ENOX1: variants seen among roughly 807,000 people sequenced by gnomAD.
The protein encoded by ENOX1 is candidate growth-related and time keeping constitutive hydroquinone (NADH) oxidase.
In ENOX1, 42 loss-of-function variants were observed where a neutral mutation model predicts 82.5. That is an observed-to-expected ratio of 0.51 (90% CI 0.40 to 0.66). The LOEUF is 0.66. ENOX1 is among the 30% of genes least tolerant of loss of function. ENOX1 has a pLI of 0.00. For missense variants in ENOX1, 608 were observed against 811.6 expected, an observed-to-expected ratio of 0.75 and a Z score of 3.05; for synonymous variants, 271 against 282.2, an observed-to-expected ratio of 0.96 and a Z score of 0.40.
intron 5 of ENOX1, among the ~76,000 whole-genome samples, chr13:43,403,614 G>A (rs184781665): frequency 7.9e-4 from 120 of 152,214 alleles, no homozygotes; most frequent in African/African-American, 2.4e-3. Flanking sequence ...AGGCTGAGGC[G>A]GGCAGATTGC....
intron 8 of ENOX1, among the ~76,000 whole-genome samples, chr13:43,347,354 C>T (rs1235315757): frequency 1.3e-5 from 2 of 152,068 alleles, no homozygotes; most frequent in African/African-American, 4.8e-5. Flanking sequence ...TTCCATTAGC[C>T]TAAAAGAGGA....
chr13:43,663,427 A>G (rs17064843), intron 2 of ENOX1, among the ~76,000 whole-genome samples: 2 of 152,164 alleles, frequency 1.3e-5, no homozygotes, highest in East Asian at 3.9e-4. Flanking sequence ...CCTCTGTTTC[A>G]TTTAGAATGT....
intron 5 of ENOX1, among the ~76,000 whole-genome samples, chr13:43,371,512 T>C (rs564376101): frequency 2.9e-4 from 44 of 152,336 alleles, no homozygotes; most frequent in African/African-American, 1.0e-3. Flanking sequence ...ATTCACAGCA[T>C]GTAAATGTCT....
chr13:43,719,528 A>C (rs1265054501), intron 1 of ENOX1, among the ~76,000 whole-genome samples: 1 of 152,114 alleles, frequency 6.6e-6, no homozygotes, highest in Non-Finnish European at 1.5e-5. Context: ...AAGATGAGAG[A>C]TAAGAAGATC....
intron 3 of ENOX1, among the ~76,000 whole-genome samples, chr13:43,470,307 C>CATATATATATGTATATAT (rs35765969): frequency 7.1e-5 from 3 of 42,492 alleles, no homozygotes; most frequent in Admixed American, 2.2e-4. Context: ...CATATATATA[C>CATATATATATGTATATAT]ATATATATAC....
chr13:43,616,523 C>T (rs2082489820), intron 2 of ENOX1, among the ~76,000 whole-genome samples: 1 of 151,738 alleles, frequency 6.6e-6, no homozygotes, highest in Non-Finnish European at 1.5e-5. Flanking sequence ...TTTTTAAATC[C>T]TTTCAATACA....
chr13:43,520,247 A>G (rs1366759402), intron 2 of ENOX1, among the ~76,000 whole-genome samples: 2 of 152,092 alleles, frequency 1.3e-5, no homozygotes, highest in African/African-American at 4.8e-5. Flanking sequence ...ACTCTTCCAT[A>G]GTGGATCAGA....
chr13:43,414,815 TCTCGAGTCTGCAGTTCTGGAAC>T (rs2054345804), intron 3 of ENOX1, among the ~76,000 whole-genome samples: 1 of 152,222 alleles, frequency 6.6e-6, no homozygotes, highest in Non-Finnish European at 1.5e-5. Context: ...CACATTTTTT[TCTCGAGTCTGCAGTTCTGGAAC>T]ACTATATCAG....
At chr13:43,325,374 T>G (rs912527) in intron 10 of ENOX1, among the ~76,000 whole-genome samples, 28,451 of 152,194 alleles carry the variant, frequency 0.19, 3,705 homozygotes, top group East Asian at 0.55. Flanking sequence ...TCATTCGGTA[T>G]TCACCATAAT....
chr13:43,316,369 T>A (rs1229982654), intron 11 of ENOX1, among the ~76,000 whole-genome samples: 1 of 152,170 alleles, frequency 6.6e-6, no homozygotes, highest in Non-Finnish European at 1.5e-5. Context: ...CACAGATTAA[T>A]CTTACATAAA....
intron 1 of ENOX1, among the ~76,000 whole-genome samples, chr13:43,779,939 G>A (rs539137746): frequency 2.0e-5 from 3 of 152,212 alleles, no homozygotes; most frequent in East Asian, 1.9e-4. Context: ...GGCAGATCAC[G>A]AAGTCAGGAG....
intron 2 of ENOX1, among the ~76,000 whole-genome samples, chr13:43,594,230 C>T (rs1290674483): frequency 6.6e-6 from 1 of 151,514 alleles, no homozygotes; most frequent in Admixed American, 6.6e-5. Context: ...GTGGTAAAAA[C>T]AGCAAGTTAC....
chr13:43,581,268 G>GA (rs1252619588), intron 2 of ENOX1, among the ~76,000 whole-genome samples: 2 of 149,044 alleles, frequency 1.3e-5, no homozygotes, highest in Admixed American at 6.7e-5. Context: ...AAGTAGCTGG[G>GA]ACTACAGGCG....
intron 2 of ENOX1, among the ~76,000 whole-genome samples, chr13:43,576,006 T>TA (rs1337586249): frequency 1.3e-5 from 2 of 152,248 alleles, no homozygotes; most frequent in African/African-American, 2.4e-5. Flanking sequence ...CTGGCCCTTG[T>TA]AGTCTAATGA....
chr13:43,675,145 T>C (rs1464121287), intron 1 of ENOX1, among the ~76,000 whole-genome samples: 1 of 152,120 alleles, frequency 6.6e-6, no homozygotes, highest in Non-Finnish European at 1.5e-5. Context: ...GGCTGCTGTA[T>C]GGAAAATGGA....
intron 3 of ENOX1, among the ~76,000 whole-genome samples, chr13:43,476,436 T>G (rs2058288866): frequency 6.6e-6 from 1 of 152,152 alleles, no homozygotes; most frequent in African/African-American, 2.4e-5. Context: ...AAGAAATTTT[T>G]TATTTGTCTA....
intron 9 of ENOX1, among the ~76,000 whole-genome samples, chr13:43,337,303 G>C (rs977910401): frequency 1.3e-5 from 2 of 152,200 alleles, no homozygotes; most frequent in Non-Finnish European, 2.9e-5. Flanking sequence ...AGGTAGAAAA[G>C]AGAACAGTAA....
At chr13:43,707,022 A>C (rs150041490) in intron 1 of ENOX1, among the ~76,000 whole-genome samples, 13 of 152,260 alleles carry the variant, frequency 8.5e-5, no homozygotes, top group Non-Finnish European at 7.4e-5. Context: ...TAAGGAATGT[A>C]CATACACATA....
rs534569228 is a variant in ENOX1 at position 43,298,563 on chromosome 13, T to G, written c.1262-33A>C. On this transcript the variant is annotated intron_variant, in intron 11 of 16. Transcript: ENST00000690772. The stretch of plus-strand genomic sequence containing the variant: ...ACAAACAGAACGAGTTCAGGTGAGC[T>G]ACCTTCTTGCTTAGCTTGAGGAGGC... 6 of 1,568,772 alleles carry G rather than the reference T, an allele frequency of 3.8e-6. No homozygotes were observed. The South Asian group carries it at 7.2e-5, about 19-fold the overall frequency.
Sources: allele counts gnomAD v4.1 joint callset (sites outside exome capture counted in the v4.1 genomes callset), GRCh38; gene constraint gnomAD v4.1.1; transcripts MANE v1.5; gene names NCBI Gene and HGNC (gene_info 2026-07-23, HGNC 2026-07-21).